The following PCDHA4 variants were observed in gnomAD, a reference collection of about 807,000 sequenced individuals.
PCDHA4 encodes protocadherin alpha-4.
A neutral mutation model predicts 61.4 loss-of-function variants in PCDHA4; 49 were observed. The ratio of observed to expected loss-of-function variants is 0.80; its 90% confidence interval spans 0.63 to 1.01. The LOEUF is 1.01. PCDHA4 is among the 50% of genes least tolerant of loss of function. The probability of loss-of-function intolerance (pLI) is 0.00; values close to 1 mark genes in which losing one functional copy is unlikely to be tolerated. For synonymous variants in PCDHA4, 590 were observed against 550.3 expected (o/e 1.07, Z -1.01); for missense variants, 1,254 against 1,235.8 (o/e 1.01, Z -0.22).
chr5:140,988,642 T>C (rs981488031), intron 3 of PCDHA4, among the ~76,000 whole-genome samples: 22 of 152,212 alleles, frequency 1.4e-4, no homozygotes, highest in African/African-American at 5.3e-4. Context: ...TTTCTGAAAT[T>C]AAACATTTTT....
intron 1 of PCDHA4, among the ~76,000 whole-genome samples, chr5:140,940,306 T>C (rs2092590981): frequency 6.6e-6 from 1 of 152,200 alleles, no homozygotes; most frequent in Non-Finnish European, 1.5e-5. Context: ...TAATTTATTA[T>C]CTTTCTTCCA....
chr5:140,841,175 A>G (rs1265444070), intron 1 of PCDHA4: 19 of 1,071,444 alleles, frequency 1.8e-5, no homozygotes, highest in African/African-American at 3.2e-5. Flanking sequence ...CTGGTTGGTC[A>G]ATGTTCAAAG....
rs782200079 is a variant in PCDHA4, at chr5:140,809,410, C to A, written c.2223C>A (p.Cys741Ter). ...CTCCGGGCAAGCCCACGCTGGTGTG[C>A]TCCAGTGCGGTGGGGAGCTGGTCAT... ...ACAPGKPTLV[C>*]SSAVGSWSYS... Residue 741 changes from cysteine (C) to a stop codon, truncating the protein, a stop_gained, in exon 1 of 4, where the codon TGC becomes TGA. Transcript: ENST00000530339. LOFTEE classifies it high-confidence loss of function. 5.6e-6 allele frequency: 9 copies of A among 1,614,104 alleles called. No individual in the cohort carries two copies. In the Admixed American group the frequency reaches 1.5e-4, roughly 27 times the overall value.
intron 1 of PCDHA4, chr5:140,863,394 G>A (rs1342756414): frequency 2.2e-6 from 2 of 929,190 alleles, no homozygotes; most frequent in South Asian, 1.3e-5. Context: ...CGTGCATGCC[G>A]GGCAAGCCCA....
chr5:140,966,864 T>A, intron 1 of PCDHA4: 1 of 1,564,920 alleles, frequency 6.4e-7, no homozygotes. Flanking sequence ...CTGCTGTTGC[T>A]GCTGCTGCTA....
intron 1 of PCDHA4, chr5:140,828,867 C>A: frequency 1.9e-6 from 3 of 1,614,214 alleles, no homozygotes; most frequent in South Asian, 1.1e-5. Flanking sequence ...GACAACGGAA[C>A]AACAGTTATC....
At chr5:140,959,826 T>C (rs2095512884) in intron 1 of PCDHA4, among the ~76,000 whole-genome samples, 1 of 152,224 alleles carries the variant, frequency 6.6e-6, no homozygotes, top group Non-Finnish European at 1.5e-5. Flanking sequence ...CACATGATAA[T>C]GTATTATGCC....
intron 3 of PCDHA4, among the ~76,000 whole-genome samples, chr5:141,006,870 G>A (rs782345830): frequency 1.1e-4 from 16 of 152,174 alleles, no homozygotes; most frequent in Non-Finnish European, 1.5e-4. Flanking sequence ...GAATAGATTC[G>A]AGGAATCAAG....
At chr5:140,899,255 C>A (rs532751288) in intron 1 of PCDHA4, among the ~76,000 whole-genome samples, 1 of 152,258 alleles carries the variant, frequency 6.6e-6, no homozygotes, top group East Asian at 1.9e-4. Flanking sequence ...GAGAGGGCAT[C>A]CCTGTCTTGT....
intron 1 of PCDHA4, among the ~76,000 whole-genome samples, chr5:140,916,789 C>T (rs146305877): frequency 2.8e-4 from 42 of 152,168 alleles, no homozygotes; most frequent in Non-Finnish European, 4.7e-4. Context: ...TTAGCTGCCC[C>T]AGCTGATGAC....
At position 140,871,191 on chromosome 5, in the gene PCDHA4, C is replaced by A. The variant is rs370303558; in HGVS notation, c.2385+61619C>A. The A allele has an allele frequency of 2.4e-5, 38 of 1,613,538 alleles. No individual in the cohort carries two copies. The African/African-American group carries it at 4.4e-4, about 19-fold the overall frequency. ...CAGAGGCTGCGCTGGTGGATGTCAA[C>A]GTGTACCTGATCATCGCCATCTGCG... On this transcript the variant is annotated intron_variant, in intron 1 of 3. Transcript: ENST00000530339.
chr5:140,966,113 A>T (rs1224729629), intron 1 of PCDHA4: 1 of 155,768 alleles, frequency 6.4e-6, no homozygotes, highest in African/African-American at 2.4e-5. Flanking sequence ...GGGTGCCCAT[A>T]CTTAGCTAAG....
intron 1 of PCDHA4, among the ~76,000 whole-genome samples, chr5:140,950,430 A>T (rs1312660380): frequency 6.6e-6 from 1 of 151,876 alleles, no homozygotes; most frequent in Admixed American, 6.6e-5. Context: ...TCTTCCACTT[A>T]AAAAAAATGT....
chr5:141,001,058 A>G (rs1554257985), intron 3 of PCDHA4, among the ~76,000 whole-genome samples: 2 of 152,146 alleles, frequency 1.3e-5, no homozygotes, highest in African/African-American at 4.8e-5. Flanking sequence ...TAAATCATTT[A>G]AAATTAAATA....
intron 1 of PCDHA4, among the ~76,000 whole-genome samples, chr5:140,930,655 C>T (rs1554207993): frequency 6.6e-6 from 1 of 152,110 alleles, no homozygotes; most frequent in Non-Finnish European, 1.5e-5. Context: ...TGAAGCATTC[C>T]TTGTTTTACT....
intron 1 of PCDHA4, chr5:140,877,012 A>G: frequency 6.2e-7 from 1 of 1,612,352 alleles, no homozygotes; most frequent in Non-Finnish European, 8.5e-7. Flanking sequence ...GCACGCGGAG[A>G]GCGGCAAGGT....
intron 1 of PCDHA4, among the ~76,000 whole-genome samples, chr5:140,819,220 C>T (rs1359956412): frequency 2.6e-5 from 4 of 152,084 alleles, no homozygotes; most frequent in Non-Finnish European, 5.9e-5. Flanking sequence ...TATACAATTG[C>T]TTCAACATTT....
chr5:140,971,652 G>A (rs1554233517), intron 1 of PCDHA4, among the ~76,000 whole-genome samples: 1 of 152,134 alleles, frequency 6.6e-6, no homozygotes, highest in African/African-American at 2.4e-5. Context: ...ATTAAAAGTA[G>A]ATGGGAATTA....
At chr5:140,980,728 A>T (rs1268236317) in intron 2 of PCDHA4, among the ~76,000 whole-genome samples, 1 of 152,168 alleles carries the variant, frequency 6.6e-6, no homozygotes, top group African/African-American at 2.4e-5. Context: ...TTCAATTAAG[A>T]TATTATGAGA....
Sources: allele counts gnomAD v4.1 joint callset (sites outside exome capture counted in the v4.1 genomes callset), GRCh38; gene constraint gnomAD v4.1.1; transcripts MANE v1.5; gene names NCBI Gene and HGNC (gene_info 2026-07-23, HGNC 2026-07-21).